The following MTMR10 variants were observed in gnomAD, a reference collection of about 807,000 sequenced individuals.
MTMR10 encodes the protein myotubularin related protein 10.
In MTMR10, 56 loss-of-function variants were observed where a neutral mutation model predicts 88.1. That is an observed-to-expected ratio of 0.64 (90% CI 0.51 to 0.79). The LOEUF is 0.79. MTMR10 is among the 30% of genes least tolerant of loss of function. The pLI is 0.00. For synonymous variants in MTMR10, 380 were observed against 340.9 expected (o/e 1.11, Z -1.26); for missense variants, 883 against 924.7 (o/e 0.95, Z 0.58).
At chr15:30,961,555 T>C (rs2063402801) in intron 6 of MTMR10, among the ~76,000 whole-genome samples, 1 of 152,002 alleles carries the variant, frequency 6.6e-6, no homozygotes. Context: ...AATAACTCAT[T>C]TAGTCTTGTC....
chr15:30,947,399 G>T, intron 13 of MTMR10, 99 bp from the exon 14 acceptor site: 2 of 1,372,834 alleles, frequency 1.5e-6, no homozygotes. Flanking sequence ...AGAGATGAAT[G>T]AGAAAACATC....
chr15:30,925,579 T>C, the MTMR10 span, among the ~76,000 whole-genome samples: 2 of 152,226 alleles, frequency 1.3e-5, no homozygotes, highest in Non-Finnish European at 2.9e-5. Context: ...TGGGGACCTG[T>C]AGAGCAGTTC....
At position 30,980,699 on chromosome 15, in the gene MTMR10, T is replaced by A. The variant is rs778188209; in HGVS notation, c.122-3744A>T. 2.2e-4 allele frequency among the ~76,000 whole-genome samples: 33 copies of A among 152,010 alleles called. 1 individual carries two copies. The highest frequency in any genetic ancestry group is 1.0e-3 in the South Asian group (5 of 4,816). On this transcript the variant is annotated intron_variant, in intron 2 of 15. Transcript: ENST00000435680. ...GGGCAGGGGAAACAGAAGATGAGTC[T>A]GTAGCCTCTGGTAATGCCAGAATAC...
rs532043122 is a variant in MTMR10, at chr15:30,974,962, G to A, written c.300C>T (p.Val100=). 9.5e-6 allele frequency: 15 copies of A among 1,578,772 alleles called. No individual in the cohort carries two copies. The highest frequency in any genetic ancestry group is 1.3e-5 in the Non-Finnish European group (15 of 1,160,512). Residue 100 remains valine, a synonymous_variant, in exon 4 of 16, where the codon GTC becomes GTT. Transcript: ENST00000435680. ...CAATTTGCTCAATACATGTTAAAGG[G>A]ACATCGTGTTCACCAAGAAGAAGGT... ...YRNLLLGEHD[V]PLTCIEQIVT... is the part of the protein sequence containing the mutation.
chr15:30,987,912 C>T (rs2031054815), intron 2 of MTMR10, among the ~76,000 whole-genome samples: 1 of 151,500 alleles, frequency 6.6e-6, no homozygotes, highest in African/African-American at 2.4e-5. Flanking sequence ...TGATGTTCCC[C>T]TCCCGGTGTC....
chr15:30,928,430 T>A, the MTMR10 span: 1 of 1,507,786 alleles, frequency 6.6e-7, no homozygotes, highest in African/African-American at 1.4e-5. Context: ...GAATCTAAAA[T>A]ATTTCTATTA....
chr15:30,959,496 T>G (rs918073931), intron 7 of MTMR10, among the ~76,000 whole-genome samples: 1 of 152,200 alleles, frequency 6.6e-6, no homozygotes, highest in Non-Finnish European at 1.5e-5. Context: ...TACCAGGAGC[T>G]TTAGCTCTCT....
chr15:30,951,660 T>C (rs1051606956), intron 12 of MTMR10, among the ~76,000 whole-genome samples: 8 of 152,090 alleles, frequency 5.3e-5, no homozygotes, highest in Non-Finnish European at 7.4e-5. Context: ...CCACCACTCC[T>C]GACTAATTTT....
chr15:30,928,221 A>AG, the MTMR10 span: 1 of 1,048,564 alleles, frequency 9.5e-7, no homozygotes. Flanking sequence ...TGGGAACCTG[A>AG]GGAGGGTATC....
rs190897721 is a variant in MTMR10 at position 30,980,242 on chromosome 15, G to C, written c.122-3287C>G. 2.0e-4 allele frequency among the ~76,000 whole-genome samples: 30 copies of C among 152,306 alleles called. No individual in the cohort carries two copies. The Middle Eastern group carries it at 0.01, about 52-fold the overall frequency. On this transcript the variant is annotated intron_variant, in intron 2 of 15. Transcript: ENST00000435680. The stretch of plus-strand genomic sequence containing the variant: ...ACCACTCACAGGAGTGATGAGGACA[G>C]ACAACCTTCCTACTAGAATGTGTCC...
At chr15:30,975,942 A>G (rs929745660) in intron 3 of MTMR10, among the ~76,000 whole-genome samples, 1 of 152,156 alleles carries the variant, frequency 6.6e-6, no homozygotes, top group Non-Finnish European at 1.5e-5. Context: ...AAGTTAATCA[A>G]ATGAATGCCT....
downstream of MTMR10, among the ~76,000 whole-genome samples, chr15:30,938,025 A>G (rs1325211875): frequency 6.6e-6 from 1 of 151,812 alleles, no homozygotes; most frequent in Non-Finnish European, 1.5e-5. Context: ...TCTACTAAAA[A>G]TACAAAAAAT....
the MTMR10 span, among the ~76,000 whole-genome samples, chr15:30,933,604 T>C: frequency 6.6e-6 from 1 of 152,248 alleles, no homozygotes. Context: ...TAGCATTTGT[T>C]GTGGGCAGTA....
At position 30,941,132 on chromosome 15, in the gene MTMR10, T is replaced by C; in HGVS notation, c.*338A>G. ...ATTTCCTAACTTTCCTGTTGTCTGC[T>C]GCCTGGGGCTGCTAATGTGACTGAC... On this transcript the variant is annotated 3_prime_UTR_variant, in exon 16 of 16. Coordinates refer to ENST00000435680, the MANE Select transcript of MTMR10 (RefSeq NM_017762.3). 1 of 1,269,438 alleles carries C rather than the reference T, an allele frequency of 7.9e-7. No homozygotes were observed. Among genetic ancestry groups the C allele is most frequent in the Non-Finnish European group, 1.0e-6 (1 of 983,928 alleles). The allele number at this position is 1,269,438 out of a possible 1,614,324, so 78.6% of individuals were successfully genotyped here.
chr15:30,974,451 C>A lies in MTMR10; in HGVS notation c.337G>T (p.Asp113Tyr). 1.3e-6 allele frequency: 2 copies of A among 1,506,602 alleles called. No individual in the cohort carries two copies. The highest frequency in any genetic ancestry group is 2.1e-5 in the Admixed American group (1 of 46,768). The allele number at this position is 1,506,602 out of a possible 1,614,324, so 93.3% of individuals were successfully genotyped here. A position where few individuals can be genotyped will look rare whatever the true frequency, so the allele number is the denominator to read the frequency against. ...AGGACTTTCTGCTTCCTCTTGTGGTCGTTTACTAAAAAAGAAAAAAAAATA... is the reference window on the plus strand; with the variant it reads ...AGGACTTTCTGCTTCCTCTTGTGGTAGTTTACTAAAAAAGAAAAAAAAATA... ...TCIEQIVTVN[D>Y]HKRKQKVLGP... Residue 113 changes from aspartate to tyrosine, a missense_variant, in exon 5 of 16, where the codon GAC becomes TAC. Physicochemically the swap from Asp to Tyr is radical, Grantham distance 160. Around this residue, in one of 3 missense-constraint regions of MTMR10, gnomAD observed 414 missense variants for 423.2 expected, o/e 0.98. Transcript: ENST00000435680.
At chr15:30,937,809 G>A (rs1174729983), downstream of MTMR10, among the ~76,000 whole-genome samples, 1 of 151,904 alleles carries the variant, frequency 6.6e-6, no homozygotes, top group Non-Finnish European at 1.5e-5. Flanking sequence ...TATTGGAGCT[G>A]GATGCATCTA....
chr15:30,973,889 G>A (rs995449491), intron 5 of MTMR10, among the ~76,000 whole-genome samples: 9 of 152,158 alleles, frequency 5.9e-5, no homozygotes, highest in Non-Finnish European at 7.4e-5. Context: ...GGCCTTTCCC[G>A]TAATTATATA....
At position 30,954,936 on chromosome 15, in the gene MTMR10, A is replaced by G. The variant is rs369162643; in HGVS notation, c.936-43T>C. ...ACTTTAGTCATTACTCATTCATTTCAGCATATATTTATTTAACCCTTACTA... is the reference window on the plus strand; with the variant it reads ...ACTTTAGTCATTACTCATTCATTTCGGCATATATTTATTTAACCCTTACTA... On this transcript the variant is annotated intron_variant, in intron 9 of 15. Coordinates refer to ENST00000435680, the MANE Select transcript of MTMR10 (RefSeq NM_017762.3). The G allele has an allele frequency of 2.1e-5, 31 of 1,487,812 alleles. No individual in the cohort carries two copies. In the East Asian group the frequency reaches 2.5e-4, roughly 12 times the overall value. 92.2% of individuals were successfully genotyped at this position (1,487,812 alleles called of 1,614,324 possible).
intron 3 of MTMR10, among the ~76,000 whole-genome samples, chr15:30,975,715 A>G (rs1010956786): frequency 3.3e-5 from 5 of 152,236 alleles, no homozygotes; most frequent in South Asian, 2.1e-4. Flanking sequence ...ACAGTACAAT[A>G]AATATTTGTA....
Sources: allele counts gnomAD v4.1 joint callset (sites outside exome capture counted in the v4.1 genomes callset), GRCh38; gene constraint gnomAD v4.1.1; regional missense constraint gnomAD v4.1.1; transcripts MANE v1.5; gene names NCBI Gene and HGNC (gene_info 2026-07-23, HGNC 2026-07-21).